DCTN2: variants seen among roughly 807,000 people sequenced by gnomAD.
The protein encoded by DCTN2 is dynactin subunit 2.
In DCTN2, 18 loss-of-function variants were observed where a neutral mutation model predicts 55.4. The observed-to-expected ratio is 0.32, with a 90% CI of 0.22 to 0.48. The LOEUF (loss-of-function observed/expected upper bound fraction) is 0.48. DCTN2 is among the 20% of genes least tolerant of loss of function. The pLI is 0.99. For missense variants in DCTN2, 390 were observed against 491.0 expected (o/e 0.79, Z 1.94); for synonymous variants, 168 against 185.2 (o/e 0.91, Z 0.76).
rs766997456 is a variant in DCTN2, at chr12:57,538,453, A to T, written c.106-2608T>A. On this transcript the variant is annotated intron_variant, in intron 2 of 13. Coordinates refer to ENST00000548249, the MANE Select transcript of DCTN2 (RefSeq NM_001261413.2). ...TGAAAGATTTAGTAGAGTCTAAAGG[A>T]CAGAGAAACAACTGCTCATCATAGC... The T allele has an allele frequency of 4.0e-6, 3 of 746,034 alleles. No homozygotes were observed. The Admixed American group carries it at 5.4e-5, about 13-fold the overall frequency. The allele number at this position is 746,034 out of a possible 1,614,324, so 46.2% of individuals were successfully genotyped here. A position where few individuals can be genotyped will look rare whatever the true frequency, so the allele number is the denominator to read the frequency against.
chr12:57,539,071 C>T (rs185959678), intron 2 of DCTN2, among the ~76,000 whole-genome samples: 193 of 152,244 alleles, frequency 1.3e-3, no homozygotes, highest in African/African-American at 4.3e-3. Context: ...ATTTGGATGG[C>T]AGAATCAGTC....
intron 2 of DCTN2, chr12:57,542,939 T>C (rs1301773114): frequency 2.2e-6 from 1 of 456,066 alleles, no homozygotes; most frequent in Non-Finnish European, 4.4e-6. Flanking sequence ...GATTTTTCAC[T>C]ACTTACCCTT....
At chr12:57,537,062 A>T (rs1348272917) in intron 2 of DCTN2, among the ~76,000 whole-genome samples, 1 of 149,710 alleles carries the variant, frequency 6.7e-6, no homozygotes, top group Non-Finnish European at 1.5e-5. Context: ...CTTTGGGAGG[A>T]TCCTAATTCC....
chr12:57,530,950 G>A (rs1879639492), intron 13 of DCTN2, among the ~76,000 whole-genome samples, 175 bp from the exon 14 acceptor site: 1 of 152,194 alleles, frequency 6.6e-6, no homozygotes, highest in Non-Finnish European at 1.5e-5. Context: ...CATAGACCAC[G>A]CTTGGGGTGA....
intron 13 of DCTN2, among the ~76,000 whole-genome samples, chr12:57,531,708 C>A (rs964584747): frequency 6.6e-6 from 1 of 152,070 alleles, no homozygotes; most frequent in Admixed American, 6.6e-5. Flanking sequence ...AAAGTTGAGA[C>A]GACAAAGGGA....
chr12:57,530,657 G>C lies in DCTN2; in HGVS notation c.*32C>G, dbSNP rs1879591760. ...TGTTAACAGAGTTCACAGGGGTAGGGATAACCCCTGTTCTCCAGCTCCCAA... is the reference window on the plus strand; with the variant it reads ...TGTTAACAGAGTTCACAGGGGTAGGCATAACCCCTGTTCTCCAGCTCCCAA... On this transcript the variant is annotated 3_prime_UTR_variant, in exon 14 of 14. Transcript: ENST00000548249. The C allele has an allele frequency of 6.4e-7, 1 of 1,564,942 alleles. No homozygotes were observed. The highest frequency in any genetic ancestry group is 1.1e-5 in the South Asian group (1 of 89,866).
intron 2 of DCTN2, among the ~76,000 whole-genome samples, chr12:57,542,232 C>T (rs1048083801): frequency 6.6e-6 from 1 of 151,334 alleles, no homozygotes; most frequent in Non-Finnish European, 1.5e-5. Flanking sequence ...GCTGAGATCA[C>T]GCCATTGCAC....
In DCTN2 at chr12:57,535,042, G is replaced by A; in HGVS notation, c.363+14C>T. 2 of 1,596,888 alleles carry A rather than the reference G, an allele frequency of 1.3e-6. No individual in the cohort carries two copies. Among genetic ancestry groups the A allele is most frequent in the Non-Finnish European group, 1.7e-6 (2 of 1,165,312 alleles). ...AAGTCACAGCAGAGAAGGGAGAAGA[G>A]AGTTTGTAGTTACCTTGATTTTTTC... On this transcript the variant is annotated intron_variant, in intron 5 of 13. Transcript: ENST00000548249.
chr12:57,536,672 T>C (rs1237334493), intron 2 of DCTN2, among the ~76,000 whole-genome samples: 2 of 152,128 alleles, frequency 1.3e-5, no homozygotes, highest in African/African-American at 2.4e-5. Context: ...GGGACACAAG[T>C]AGGCGGTGAA....
chr12:57,531,143 C>G (rs1879661426), intron 13 of DCTN2, among the ~76,000 whole-genome samples: 1 of 152,076 alleles, frequency 6.6e-6, no homozygotes, highest in Non-Finnish European at 1.5e-5. Context: ...TATATTTTTT[C>G]ATTTATCTCA....
chr12:57,542,901 G>C (rs1159033199), intron 2 of DCTN2: 3 of 456,080 alleles, frequency 6.6e-6, no homozygotes, highest in South Asian at 3.1e-5. Flanking sequence ...GAAGAGAACT[G>C]AGTGGTGGTA....
rs1462220119 is a variant in DCTN2 at position 57,530,574 on chromosome 12, C to T, written c.*115G>A. The T allele has an allele frequency of 1.1e-6, 1 of 890,610 alleles. No homozygotes were observed. The highest frequency in any genetic ancestry group is 1.7e-5 in the African/African-American group (1 of 59,978). The allele number at this position is 890,610 out of a possible 1,614,324, so 55.2% of individuals were successfully genotyped here. On this transcript the variant is annotated 3_prime_UTR_variant, in exon 14 of 14. Coordinates refer to ENST00000548249, the MANE Select transcript of DCTN2 (RefSeq NM_001261413.2). ...CACATGCAAGAAGAACCCTTGCCCC[C>T]AGTGTCAAATGGGATGGGGATGCTA...
At chr12:57,541,167 T>C (rs1416192122) in intron 2 of DCTN2, among the ~76,000 whole-genome samples, 4 of 152,298 alleles carry the variant, frequency 2.6e-5, no homozygotes, top group Middle Eastern at 3.4e-3. Flanking sequence ...GAAGAGACAA[T>C]GATTCATGGA....
At chr12:57,533,190 A>C in intron 8 of DCTN2, 48 bp downstream of exon 8, 1 of 1,600,550 alleles carries the variant, frequency 6.2e-7, no homozygotes, top group Non-Finnish European at 8.6e-7. Flanking sequence ...CTTAAGGCCT[A>C]GAGTTGCAGG....
chr12:57,538,485 C>T (rs775499261), intron 2 of DCTN2: 8 of 759,944 alleles, frequency 1.1e-5, no homozygotes, highest in Non-Finnish European at 1.7e-5. Flanking sequence ...TAGCACACCC[C>T]GTTAAAAAGC....
At chr12:57,542,301 T>C (rs1357192715) in intron 2 of DCTN2, among the ~76,000 whole-genome samples, 3 of 152,026 alleles carry the variant, frequency 2.0e-5, no homozygotes, top group East Asian at 3.9e-4. Context: ...TTCACGATCA[T>C]CTGTAGCAAA....
intron 13 of DCTN2, 33 bp downstream of exon 13, chr12:57,531,982 G>GA: frequency 6.4e-7 from 1 of 1,553,270 alleles, no homozygotes; most frequent in South Asian, 1.2e-5. Flanking sequence ...ACATGCTGGA[G>GA]AAAGGAGGAC....
chr12:57,547,007 C>G (rs774256071), intron 1 of DCTN2, 21 bp downstream of exon 1: 1 of 1,289,320 alleles, frequency 7.8e-7, no homozygotes, highest in East Asian at 2.9e-5. Flanking sequence ...CCTGGGGAGC[C>G]GGGGCCGGTC....
At position 57,532,066 on chromosome 12, in the gene DCTN2, G is replaced by A; in HGVS notation, c.1068C>T (p.Thr356=). 3.2e-6 allele frequency: 5 copies of A among 1,565,976 alleles called. No individual in the cohort carries two copies. Among genetic ancestry groups the A allele is most frequent in the Non-Finnish European group, 4.3e-6 (5 of 1,154,508 alleles). The part of the protein sequence containing the change: ...FGQLLTHLDT[T]QQMIANSLKD... ...TCAAGGAATTAGCAATCATCTGCTG[G>A]GTGGTATCCAAGTGTGTCAGGAGCT... The change falls in exon 13 of 14, where the codon ACC becomes ACT. Residue 356 remains threonine (T), a synonymous_variant. Transcript: ENST00000548249.
Sources: gnomAD v4.1 joint callset for allele counts (sites outside exome capture counted in the v4.1 genomes callset) on GRCh38, gnomAD v4.1.1 for gene constraint, MANE v1.5 for transcripts, NCBI Gene and HGNC (gene_info 2026-07-23, HGNC 2026-07-21) for gene names.